Variants in NT5DC3 observed in about 807,000 individuals in gnomAD.
NT5DC3 encodes the protein 5'-nucleotidase domain containing 3.
NT5DC3 carries 42 observed loss-of-function variants against 67.8 expected under a neutral mutation model. The observed-to-expected ratio is 0.62, with a 90% CI of 0.48 to 0.80. The LOEUF (loss-of-function observed/expected upper bound fraction) is 0.80. NT5DC3 is among the 30% of genes least tolerant of loss of function. The probability of loss-of-function intolerance (pLI) is 0.00; values close to 1 mark genes in which losing one functional copy is unlikely to be tolerated. For missense variants in NT5DC3, 570 were observed against 696.4 expected, an observed-to-expected ratio of 0.82 and a Z score of 2.04; for synonymous variants, 237 against 255.6, an observed-to-expected ratio of 0.93 and a Z score of 0.69.
the NT5DC3 span, chr12:103,762,511 G>A: frequency 5.1e-5 from 80 of 1,558,326 alleles, no homozygotes; most frequent in Non-Finnish European, 6.5e-5. Context: ...CCCAGAAGCA[G>A]TGTGTCACAC....
At chr12:103,769,793 T>C (rs1885141464), downstream of NT5DC3, among the ~76,000 whole-genome samples, 1 of 152,244 alleles carries the variant, frequency 6.6e-6, no homozygotes, top group Admixed American at 6.5e-5. Context: ...CCCAACTACT[T>C]ACAAAGAAAT....
the NT5DC3 span, chr12:103,753,295 C>T: frequency 1.1e-5 from 17 of 1,614,138 alleles, no homozygotes; most frequent in Non-Finnish European, 1.3e-5. Context: ...GCCAGAGAGG[C>T]CTGTGCCAAC....
In NT5DC3 at chr12:103,777,718, C is replaced by A; in HGVS notation, c.*111G>T. ...TCTCCGTAAGGTACAAAATAAATAT[C>A]AAAAGGCTTATCTGTATCTTTTCCA... On this transcript the variant is annotated 3_prime_UTR_variant, in exon 14 of 14. Coordinates refer to ENST00000392876, the MANE Select transcript of NT5DC3 (RefSeq NM_001031701.3). 1 of 1,239,678 alleles carries A rather than the reference C, an allele frequency of 8.1e-7. No individual in the cohort carries two copies. Among genetic ancestry groups the A allele is most frequent in the Non-Finnish European group, 1.1e-6 (1 of 886,380 alleles). 76.8% of individuals were successfully genotyped at this position (1,239,678 alleles called of 1,614,324 possible).
chr12:103,762,414 A>G, the NT5DC3 span: 1 of 1,614,216 alleles, frequency 6.2e-7, no homozygotes, highest in Non-Finnish European at 8.5e-7. Context: ...TAAGAGAGAA[A>G]AATGGGAACA....
chr12:103,798,418 A>G (rs1242437378), intron 5 of NT5DC3, among the ~76,000 whole-genome samples, 169 bp downstream of exon 5: 1 of 152,198 alleles, frequency 6.6e-6, no homozygotes, highest in African/African-American at 2.4e-5. Flanking sequence ...GTGCTTCAGA[A>G]AGGAGAATCA....
chr12:103,839,178 T>C (rs981460860), intron 1 of NT5DC3, among the ~76,000 whole-genome samples: 2 of 152,248 alleles, frequency 1.3e-5, no homozygotes, highest in African/African-American at 4.8e-5. Flanking sequence ...GATAATGTAC[T>C]ACTGTTCTGC....
intron 1 of NT5DC3, among the ~76,000 whole-genome samples, chr12:103,829,921 A>G (rs1887855063): frequency 6.6e-6 from 1 of 151,988 alleles, no homozygotes; most frequent in Non-Finnish European, 1.5e-5. Context: ...TCTTTCTTAA[A>G]TGATTGAGCT....
rs1287863942 is a variant in NT5DC3 at position 103,793,497 on chromosome 12, T to C, written c.830A>G (p.Tyr277Cys). 6.2e-7 allele frequency: 1 copy of C among 1,613,174 alleles called. No homozygotes were observed. The highest frequency in any genetic ancestry group is 1.1e-5 in the South Asian group (1 of 91,066). Residue 277 changes from tyrosine (Y) to cysteine (C), a missense_variant, in exon 8 of 14, where the codon TAT becomes TGT. Physicochemically the swap from Tyr to Cys is radical, Grantham distance 194. Coordinates refer to ENST00000392876, the MANE Select transcript of NT5DC3 (RefSeq NM_001031701.3). The part of the protein sequence containing the change: ...IEADIEKYIC[Y>C]AEQTRAVLAK... Reference sequence around the variant, plus strand: ...CAACACTGCGCGGGTCTGCTCAGCATAGCAGATGTACTTTTCTAAGAGCAA... The same window carrying C: ...CAACACTGCGCGGGTCTGCTCAGCACAGCAGATGTACTTTTCTAAGAGCAA...
intron 12 of NT5DC3, among the ~76,000 whole-genome samples, chr12:103,780,945 T>C (rs961139790): frequency 3.9e-5 from 6 of 151,992 alleles, no homozygotes; most frequent in Admixed American, 3.3e-4. Flanking sequence ...AACCTTTTAA[T>C]TTAATATTAT....
intron 1 of NT5DC3, among the ~76,000 whole-genome samples, chr12:103,827,735 A>C (rs1321282480): frequency 2.0e-5 from 3 of 152,232 alleles, no homozygotes; most frequent in African/African-American, 7.2e-5. Context: ...ACCCAGCTTG[A>C]TCAATCAGCT....
rs765358062 is a variant in NT5DC3, at chr12:103,778,029, C to G, written c.1447G>C (p.Asp483His). Residue 483 changes from aspartate to histidine, a missense_variant, in exon 14 of 14, where the codon GAC (aspartate) becomes CAC (histidine). Around this residue, in one of 2 missense-constraint regions of NT5DC3, gnomAD observed 466 missense variants for 608.0 expected, o/e 0.77. Transcript: ENST00000392876. Reference sequence around the variant, plus strand: ...CTTAGGAAGTAGGTTGGGTTCTGGTCTGTGCGGAACAGGCTTCCAAACTGG... The same window carrying G: ...CTTAGGAAGTAGGTTGGGTTCTGGTGTGTGCGGAACAGGCTTCCAAACTGG... ...NAQFGSLFRTDQNPTYFLRRL... is the reference protein window; with the variant it reads ...NAQFGSLFRTHQNPTYFLRRL... The G allele has an allele frequency of 5.6e-6, 9 of 1,614,192 alleles. No homozygotes were observed. Among genetic ancestry groups the G allele is most frequent in the South Asian group, 3.3e-5 (3 of 91,078 alleles).
At chr12:103,771,445 G>C (rs781510667), downstream of NT5DC3, 1 of 152,146 alleles carries the variant, frequency 6.6e-6, no homozygotes, top group African/African-American at 2.4e-5. Flanking sequence ...ATTGTATCAC[G>C]TAGATTTATG....
intron 1 of NT5DC3, among the ~76,000 whole-genome samples, chr12:103,830,489 T>A (rs992869917): frequency 2.0e-5 from 3 of 152,236 alleles, no homozygotes; most frequent in African/African-American, 7.2e-5. Context: ...CAATCTCTCC[T>A]GCTGGAACTC....
At chr12:103,794,140 A>ATT in intron 6 of NT5DC3, 143 bp from the exon 7 acceptor site, 2 of 476,790 alleles carry the variant, frequency 4.2e-6, no homozygotes, top group East Asian at 1.1e-4. Context: ...ATTCTGGTCC[A>ATT]TTTTCTTCTT....
At chr12:103,778,634 G>T (rs922637687) in intron 13 of NT5DC3, among the ~76,000 whole-genome samples, 2 of 152,004 alleles carry the variant, frequency 1.3e-5, no homozygotes, top group Admixed American at 6.6e-5. Flanking sequence ...GTGAGACCTT[G>T]TCTCTACAAA....
chr12:103,758,079 AC>A, the NT5DC3 span: 1 of 1,568,538 alleles, frequency 6.4e-7, no homozygotes, highest in Admixed American at 1.8e-5. Flanking sequence ...ATGAATATTC[AC>A]AGATGGGTGA....
intron 1 of NT5DC3, among the ~76,000 whole-genome samples, chr12:103,822,341 T>C (rs940155005): frequency 6.6e-5 from 10 of 152,098 alleles, no homozygotes; most frequent in Non-Finnish European, 1.5e-4. Context: ...CAAACAGCAA[T>C]GGTCTAGTAT....
intron 2 of NT5DC3, among the ~76,000 whole-genome samples, chr12:103,809,135 T>C (rs1376913256): frequency 2.6e-5 from 4 of 152,254 alleles, no homozygotes; most frequent in South Asian, 2.1e-4. Context: ...TGAGCCACTA[T>C]ATACTGGACA....
chr12:103,768,087 CAAAA>C (rs34935949), downstream of NT5DC3, among the ~76,000 whole-genome samples: 2 of 87,202 alleles, frequency 2.3e-5, no homozygotes, highest in African/African-American at 4.4e-5. Flanking sequence ...GACTCCTTCT[CAAAA>C]AAAAAAAAAA....
Sources: allele counts gnomAD v4.1 joint callset (sites outside exome capture counted in the v4.1 genomes callset), GRCh38; gene constraint gnomAD v4.1.1; regional missense constraint gnomAD v4.1.1; transcripts MANE v1.5; gene names NCBI Gene and HGNC (gene_info 2026-07-23, HGNC 2026-07-21).